The following DNER variants were observed in gnomAD, a reference collection of about 807,000 sequenced individuals.
DNER encodes the protein delta and Notch-like epidermal growth factor-related receptor.
DNER carries 33 observed loss-of-function variants against 78.2 expected under a neutral mutation model. The ratio of observed to expected loss-of-function variants is 0.42; its 90% CI spans 0.32 to 0.56. The LOEUF is 0.56. Ranked by LOEUF, DNER falls within the 20% of genes least tolerant of loss-of-function variation. The pLI is 0.11. For synonymous variants in DNER, 417 were observed against 384.8 expected (o/e 1.08, Z -0.98); for missense variants, 918 against 975.3 (o/e 0.94, Z 0.78).
At chr2:229,550,879 T>C (rs1251840538) in intron 4 of DNER, among the ~76,000 whole-genome samples, 2 of 152,228 alleles carry the variant, frequency 1.3e-5, no homozygotes, top group Admixed American at 1.3e-4. Flanking sequence ...GCATGGTACC[T>C]AGCATCACCT....
chr2:229,496,310 T>C (rs118003098), intron 6 of DNER, among the ~76,000 whole-genome samples: 2 of 152,364 alleles, frequency 1.3e-5, no homozygotes, highest in East Asian at 1.9e-4. Context: ...CTATAGTCCA[T>C]TTAATATTGT....
intron 1 of DNER, among the ~76,000 whole-genome samples, chr2:229,671,476 C>T (rs1234021321): frequency 6.6e-6 from 1 of 152,216 alleles, no homozygotes; most frequent in East Asian, 1.9e-4. Flanking sequence ...CAGCACTTCT[C>T]ACTACCTGCT....
At chr2:229,446,904 A>T (rs183950733) in intron 8 of DNER, among the ~76,000 whole-genome samples, 1 of 152,350 alleles carries the variant, frequency 6.6e-6, no homozygotes, top group East Asian at 1.9e-4. Context: ...GAAAGAAGAT[A>T]TTCTGTTAAC....
chr2:229,671,656 G>A (rs1301751370), intron 1 of DNER, among the ~76,000 whole-genome samples: 1 of 152,188 alleles, frequency 6.6e-6, no homozygotes, highest in Non-Finnish European at 1.5e-5. Context: ...TGAATTAATT[G>A]CTAGAGTCCC....
intron 7 of DNER, among the ~76,000 whole-genome samples, chr2:229,471,854 G>A (rs1694930137): frequency 6.6e-6 from 1 of 152,148 alleles, no homozygotes; most frequent in South Asian, 2.1e-4. Flanking sequence ...AAAGAGGTAG[G>A]TCCGGATTTC....
chr2:229,570,181 G>A (rs954516581), intron 4 of DNER, among the ~76,000 whole-genome samples: 2 of 152,134 alleles, frequency 1.3e-5, no homozygotes, highest in South Asian at 2.1e-4. Flanking sequence ...AATATTTACC[G>A]AATTTATTCA....
At chr2:229,405,984 G>T (rs570558647) in intron 10 of DNER, among the ~76,000 whole-genome samples, 2 of 152,180 alleles carry the variant, frequency 1.3e-5, no homozygotes, top group Admixed American at 1.3e-4. Flanking sequence ...AGCCATCTGC[G>T]AATCATTTTT....
chr2:229,416,221 C>G (rs1247877011), intron 9 of DNER, among the ~76,000 whole-genome samples: 1 of 152,178 alleles, frequency 6.6e-6, no homozygotes, highest in Non-Finnish European at 1.5e-5. Flanking sequence ...TGCACTAGTT[C>G]CTCCTTTTTA....
chr2:229,393,093 T>C (rs1693051965), intron 10 of DNER, among the ~76,000 whole-genome samples: 1 of 152,156 alleles, frequency 6.6e-6, no homozygotes, highest in Non-Finnish European at 1.5e-5. Flanking sequence ...AATGGAACTT[T>C]TAGATATGAA....
chr2:229,549,980 A>G lies in DNER; in HGVS notation c.848-2888T>C, dbSNP rs114005878. 2.2e-3 allele frequency among the ~76,000 whole-genome samples: 328 copies of G among 151,712 alleles called. 4 individuals are homozygous for G. Among genetic ancestry groups the G allele is most frequent in the African/African-American group, 7.5e-3 (310 of 41,398 alleles). On this transcript the variant is annotated intron_variant, in intron 4 of 12. Coordinates refer to ENST00000341772, the MANE Select transcript of DNER (RefSeq NM_139072.4). The stretch of plus-strand genomic sequence containing the variant: ...TTGTGTACAATGAAATCTTATACTC[A>G]TTTCCATAGTTCTATGCTTTTTTTT...
chr2:229,610,636 G>A (rs572249822), intron 1 of DNER, among the ~76,000 whole-genome samples: 29 of 151,494 alleles, frequency 1.9e-4, no homozygotes, highest in African/African-American at 6.5e-4. Flanking sequence ...CTTAGAGAAC[G>A]GTAAGAGCAG....
intron 4 of DNER, among the ~76,000 whole-genome samples, chr2:229,571,249 T>G (rs1697214266): frequency 6.6e-6 from 1 of 152,044 alleles, no homozygotes; most frequent in African/African-American, 2.4e-5. Flanking sequence ...GGGCCCGATG[T>G]GCAGGAAGGA....
Position 229,493,133 on chromosome 2 carries a change from C to G in DNER, c.1148-15880G>C, listed in dbSNP as rs572776507. On this transcript the variant is annotated intron_variant, in intron 6 of 12. Transcript: ENST00000341772. ...CAACGCAAAGGCACTGACACTTAGT[C>G]AGTGTGCAAAAGAGTAAATGTGGGA... is the stretch of plus-strand genomic sequence containing the variant. 3.9e-5 allele frequency among the ~76,000 whole-genome samples: 6 copies of G among 152,288 alleles called. No individual in the cohort carries two copies. In the South Asian group the frequency reaches 8.3e-4, roughly 21 times the overall value.
chr2:229,643,706 C>T (rs6704918), intron 1 of DNER, among the ~76,000 whole-genome samples: 38,203 of 151,992 alleles, frequency 0.25, 5,421 homozygotes, highest in African/African-American at 0.37. Context: ...CCTAACAGCC[C>T]GGAAAAGAAT....
chr2:229,408,780 C>T (rs1389617307), intron 9 of DNER, among the ~76,000 whole-genome samples: 1 of 152,168 alleles, frequency 6.6e-6, no homozygotes, highest in African/African-American at 2.4e-5. Context: ...ACACTAATGA[C>T]TTATTTGAGC....
At chr2:229,375,535 T>C (rs1692578483) in intron 11 of DNER, among the ~76,000 whole-genome samples, 2 of 152,142 alleles carry the variant, frequency 1.3e-5, no homozygotes, top group African/African-American at 2.4e-5. Context: ...GTACTAAAGG[T>C]AATTATGGAT....
intron 11 of DNER, among the ~76,000 whole-genome samples, chr2:229,378,746 C>T (rs774210638): frequency 9.9e-5 from 15 of 152,192 alleles, no homozygotes; most frequent in Admixed American, 2.6e-4. Flanking sequence ...AAAGAGACCT[C>T]AGAGGCCGTG....
chr2:229,697,036 C>T (rs926312926), intron 1 of DNER, among the ~76,000 whole-genome samples: 7 of 152,186 alleles, frequency 4.6e-5, no homozygotes, highest in African/African-American at 1.7e-4. Context: ...CAAACACACA[C>T]TTGTACGAGC....
chr2:229,458,271 G>A (rs557062721), intron 7 of DNER, among the ~76,000 whole-genome samples: 16 of 151,156 alleles, frequency 1.1e-4, no homozygotes, highest in African/African-American at 3.2e-4. Flanking sequence ...AACATTATCT[G>A]ACATAAAAAG....
Sources: gnomAD v4.1 joint callset for allele counts (sites outside exome capture counted in the v4.1 genomes callset) on GRCh38, gnomAD v4.1.1 for gene constraint, MANE v1.5 for transcripts, NCBI Gene and HGNC (gene_info 2026-07-23, HGNC 2026-07-21) for gene names.